Variants in RGS1 observed in about 807,000 individuals in gnomAD.
RGS1 encodes B-cell activation protein BL34.
In RGS1, 11 loss-of-function variants were observed where a neutral mutation model predicts 22.2. The ratio of observed to expected loss-of-function variants is 0.50; its 90% CI spans 0.31 to 0.82. The LOEUF is 0.82. Ranked by LOEUF, RGS1 falls within the 40% of genes least tolerant of loss-of-function variation. The pLI, the probability that RGS1 is intolerant of heterozygous loss-of-function variation, is 0.04. For synonymous variants in RGS1, 81 were observed against 79.9 expected, an observed-to-expected ratio of 1.01 and a Z score of -0.07; for missense variants, 255 against 245.8, an observed-to-expected ratio of 1.04 and a Z score of -0.25.
intron 3 of RGS1, chr1:192,577,091 T>C (rs1477881190): frequency 1.1e-5 from 4 of 364,462 alleles, no homozygotes; most frequent in Middle Eastern, 7.0e-4. Flanking sequence ...AAATTAAACA[T>C]TGTGCTGGGA....
chr1:192,577,364 C>T (rs559978048), intron 3 of RGS1: 1 of 152,158 alleles, frequency 6.6e-6, no homozygotes, highest in Non-Finnish European at 1.5e-5. Flanking sequence ...TAAATAATTG[C>T]ATTATTATAA....
chr1:192,577,118 T>A (rs1662075238), intron 3 of RGS1: 1 of 322,770 alleles, frequency 3.1e-6, no homozygotes, highest in African/African-American at 2.1e-5. Flanking sequence ...TATGTAAAAA[T>A]TTTAAAAGTA....
In RGS1 at chr1:192,578,254, T is replaced by C; in HGVS notation, c.313T>C (p.Ser105Pro). The C allele has an allele frequency of 6.2e-7, 1 of 1,612,718 alleles. No homozygotes were observed. Among genetic ancestry groups the C allele is most frequent in the Non-Finnish European group, 8.5e-7 (1 of 1,179,218 alleles). The change falls in exon 4 of 5, where the codon TCT (serine) becomes CCT (proline). Residue 105 changes from serine to proline, a missense_variant. Physicochemically the swap from Ser to Pro is moderately conservative, Grantham distance 74. Transcript: ENST00000367459. ...AAATGTCTTTGGAAGTTTCCTAAAG[T>C]CTGAATTCAGTGAGGAGAATATTGA... ...GQNVFGSFLK[S>P]EFSEENIEFW...
rs1466652782 is a variant in RGS1, at chr1:192,576,463, G to A, written c.218+98G>A. 3.6e-6 allele frequency: 3 copies of A among 838,386 alleles called. No individual in the cohort carries two copies. In the African/African-American group the frequency reaches 5.1e-5, roughly 14 times the overall value. 51.9% of individuals were successfully genotyped at this position (838,386 alleles called of 1,614,324 possible). A position where few individuals can be genotyped will look rare whatever the true frequency, so the allele number is the denominator to read the frequency against. On this transcript the variant is annotated intron_variant, in intron 2 of 4. Coordinates refer to ENST00000367459, the MANE Select transcript of RGS1 (RefSeq NM_002922.4). Reference sequence around the variant, plus strand: ...CAAGGGATAAATACTGCGCACAGTAGACTTCATTTCTTTTAAGTAACATGC... The same window carrying A: ...CAAGGGATAAATACTGCGCACAGTAAACTTCATTTCTTTTAAGTAACATGC...
At chr1:192,578,408 T>A in intron 4 of RGS1, 23 bp downstream of exon 4, 1 of 1,610,080 alleles carries the variant, frequency 6.2e-7, no homozygotes, top group Non-Finnish European at 8.5e-7. Context: ...CTTATCATCA[T>A]CAGTTTCTCC....
Position 192,579,330 on chromosome 1 carries a change from C to T in RGS1, c.*8C>T, listed in dbSNP as rs1253175953. ...GCTAATAGCCTAAAGTGACTGGTCCCTGGCTGAAGGGAATTAACAGATAGT... is the reference window on the plus strand; with the variant it reads ...GCTAATAGCCTAAAGTGACTGGTCCTTGGCTGAAGGGAATTAACAGATAGT... On this transcript the variant is annotated 3_prime_UTR_variant, in exon 5 of 5. Coordinates refer to ENST00000367459, the MANE Select transcript of RGS1 (RefSeq NM_002922.4). 2 of 1,611,346 alleles carry T rather than the reference C, an allele frequency of 1.2e-6. No individual in the cohort carries two copies. Among genetic ancestry groups the T allele is most frequent in the Non-Finnish European group, 1.7e-6 (2 of 1,178,550 alleles).
At position 192,578,317 on chromosome 1, in the gene RGS1, T is replaced by A. The variant is rs113660313; in HGVS notation, c.376T>A (p.Ser126Thr). The change falls in exon 4 of 5, where the codon TCT becomes ACT. Residue 126 changes from serine to threonine, a missense_variant. Coordinates refer to ENST00000367459, the MANE Select transcript of RGS1 (RefSeq NM_002922.4). Reference protein sequence around the residue: ...LACEDYKKTESDLLPCKAEEI... With the variant: ...LACEDYKKTETDLLPCKAEEI... ...TTGTGAAGACTATAAGAAAACAGAGTCTGATCTTTTGCCCTGTAAAGCAGA... is the reference window on the plus strand; with the variant it reads ...TTGTGAAGACTATAAGAAAACAGAGACTGATCTTTTGCCCTGTAAAGCAGA... 1.2e-5 allele frequency: 20 copies of A among 1,612,968 alleles called. No homozygotes were observed. The African/African-American group carries it at 1.9e-4, about 15-fold the overall frequency.
chr1:192,578,122 GAAGCA>G (rs1171396822), intron 3 of RGS1, 95 bp from the exon 4 acceptor site: 22 of 1,364,426 alleles, frequency 1.6e-5, no homozygotes, highest in Admixed American at 2.2e-5. Flanking sequence ...GTATGAATAG[GAAGCA>G]ATTGTATTTT....
At chr1:192,578,115 T>C in intron 3 of RGS1, 107 bp from the exon 4 acceptor site, 1 of 1,317,190 alleles carries the variant, frequency 7.6e-7, no homozygotes, top group Non-Finnish European at 1.0e-6. Context: ...TACCTTTGTA[T>C]GAATAGGAAG....
In RGS1 at chr1:192,579,334, C is replaced by A. The variant is rs772170382; in HGVS notation, c.*12C>A. On this transcript the variant is annotated 3_prime_UTR_variant, in exon 5 of 5. Coordinates refer to ENST00000367459, the MANE Select transcript of RGS1 (RefSeq NM_002922.4). ...ATAGCCTAAAGTGACTGGTCCCTGG[C>A]TGAAGGGAATTAACAGATAGTATCA... 7.5e-6 allele frequency: 12 copies of A among 1,610,192 alleles called. No individual in the cohort carries two copies. Among genetic ancestry groups the A allele is most frequent in the Non-Finnish European group, 8.5e-6 (10 of 1,177,628 alleles).
intron 4 of RGS1, chr1:192,578,632 T>A: frequency 1.8e-6 from 1 of 571,256 alleles, no homozygotes. Flanking sequence ...AGGGAAGGGT[T>A]AAGGGTATTG....
chr1:192,578,434 T>C, intron 4 of RGS1, 49 bp downstream of exon 4: 1 of 1,591,140 alleles, frequency 6.3e-7, no homozygotes, highest in Non-Finnish European at 8.6e-7. Context: ...AGACCCTATA[T>C]GCAGAAATAA....
rs1662133246 is a variant in RGS1 at position 192,579,721 on chromosome 1, G to A, written c.*399G>A. The A allele has an allele frequency of 6.4e-6, 1 of 156,000 alleles. No homozygotes were observed. The highest frequency in any genetic ancestry group is 2.4e-5 in the African/African-American group (1 of 41,570). 9.7% of individuals were successfully genotyped at this position (156,000 alleles called of 1,614,324 possible). A position where few individuals can be genotyped will look rare whatever the true frequency, so the allele number is the denominator to read the frequency against. ...CATATTATTATATAGTTTGTACTGA[G>A]CTATTGAAGTCCCATTAACTTAAAG... On this transcript the variant is annotated 3_prime_UTR_variant, in exon 5 of 5. Coordinates refer to ENST00000367459, the MANE Select transcript of RGS1 (RefSeq NM_002922.4).
At chr1:192,578,509 G>A (rs1348135759) in intron 4 of RGS1, 124 bp downstream of exon 4, 5 of 1,057,174 alleles carry the variant, frequency 4.7e-6, no homozygotes, top group Non-Finnish European at 6.8e-6. Flanking sequence ...ACATACTTAG[G>A]CATATAAATA....
intron 3 of RGS1, chr1:192,577,040 G>T: frequency 2.4e-6 from 1 of 416,682 alleles, no homozygotes; most frequent in Non-Finnish European, 4.2e-6. Context: ...AGACAAATTT[G>T]CCAAGACAAT....
Position 192,578,392 on chromosome 1 carries a change from ATTAAGC to A in RGS1, c.444+11_444+16del. ...TTCAGATGCTGCTAAACAAGTGAGT[ATTAAGC>A]TTATCATCATCAGTTTCTCCATAAA... On this transcript the variant is annotated splice_region_variant and intron_variant, in intron 4 of 4. Transcript: ENST00000367459. 6.2e-7 allele frequency: 1 copy of A among 1,611,722 alleles called. No homozygotes were observed. The highest frequency in any genetic ancestry group is 8.5e-7 in the Non-Finnish European group (1 of 1,179,380).
At chr1:192,578,014 C>T (rs185238451) in intron 3 of RGS1, 1 of 576,578 alleles carries the variant, frequency 1.7e-6, no homozygotes, top group African/African-American at 1.9e-5. Context: ...GTTTGTCTGG[C>T]CCCAGATTCC....
rs1662119697 is a variant in RGS1 at position 192,579,142 on chromosome 1, T to C, written c.450T>C (p.Asn150=). 1 of 1,611,008 alleles carries C rather than the reference T, an allele frequency of 6.2e-7. No individual in the cohort carries two copies. The highest frequency in any genetic ancestry group is 1.7e-4 in the Middle Eastern group (1 of 6,034). The change falls in exon 5 of 5, where the codon AAT becomes AAC. Residue 150 remains asparagine (N), a synonymous_variant. Transcript: ENST00000367459. The part of the protein sequence containing the change: ...FVHSDAAKQI[N]IDFRTRESTA... ...AACAAGGTTTTCTTTTTTAGATCAA[T>C]ATTGACTTCCGCACTCGAGAATCTA...
chr1:192,578,133 AT>A, intron 3 of RGS1, 88 bp from the exon 4 acceptor site: 3 of 1,459,234 alleles, frequency 2.1e-6, no homozygotes, highest in Non-Finnish European at 2.8e-6. Flanking sequence ...AAGCAATTGT[AT>A]TTTTCTTACA....
Sources: gnomAD v4.1 joint callset for allele counts on GRCh38, gnomAD v4.1.1 for gene constraint, MANE v1.5 for transcripts, NCBI Gene and HGNC (gene_info 2026-07-23, HGNC 2026-07-21) for gene names.